The following CNTNAP2 variants were observed in gnomAD, a reference collection of about 807,000 sequenced individuals.
CNTNAP2 encodes contactin-associated protein-like 2.
In CNTNAP2, 98 loss-of-function variants were observed where a neutral mutation model predicts 155.2. The ratio of observed to expected loss-of-function variants is 0.63; its 90% CI spans 0.54 to 0.75. The LOEUF (loss-of-function observed/expected upper bound fraction) is 0.75. Among genes scored for constraint, CNTNAP2 ranks in the 30% least tolerant of loss-of-function variants. The pLI is 0.00. For missense variants in CNTNAP2, 1,727 were observed against 1,688.1 expected, an observed-to-expected ratio of 1.02 and a Z score of -0.40; for synonymous variants, 651 against 631.2, an observed-to-expected ratio of 1.03 and a Z score of -0.47.
At chr7:146,502,613 TTTG>T (rs1181297351) in intron 1 of CNTNAP2, among the ~76,000 whole-genome samples, 1 of 152,078 alleles carries the variant, frequency 6.6e-6, no homozygotes, top group Non-Finnish European at 1.5e-5. Flanking sequence ...CATTGTGATT[TTTG>T]TTGTTGTTGT....
chr7:147,314,310 C>T (rs1795186052), intron 9 of CNTNAP2, among the ~76,000 whole-genome samples: 1 of 152,160 alleles, frequency 6.6e-6, no homozygotes, highest in Admixed American at 6.5e-5. Flanking sequence ...ATTCAGCCTA[C>T]TTCAAAAGTT....
At chr7:147,428,395 A>G (rs1469787433) in intron 10 of CNTNAP2, among the ~76,000 whole-genome samples, 3 of 152,114 alleles carry the variant, frequency 2.0e-5, no homozygotes, top group East Asian at 1.9e-4. Context: ...ACAGTGTAAG[A>G]TGAAGGCCCT....
chr7:146,869,312 A>G (rs1201368073), intron 3 of CNTNAP2, among the ~76,000 whole-genome samples: 1 of 152,098 alleles, frequency 6.6e-6, no homozygotes, highest in Admixed American at 6.6e-5. Flanking sequence ...TGTTTATGTG[A>G]TGAATCACAT....
intron 15 of CNTNAP2, among the ~76,000 whole-genome samples, chr7:147,984,546 A>C (rs774289570): frequency 6.6e-6 from 1 of 152,100 alleles, no homozygotes; most frequent in Non-Finnish European, 1.5e-5. Context: ...AAAAATGGGA[A>C]GAAAAAAAAA....
intron 1 of CNTNAP2, among the ~76,000 whole-genome samples, chr7:146,724,606 C>G (rs961035831): frequency 3.4e-5 from 4 of 117,878 alleles, no homozygotes; most frequent in African/African-American, 1.3e-4. Flanking sequence ...GAGTCTCGCT[C>G]TGTCGCCAGG....
At chr7:147,260,717 G>A (rs1372687369) in intron 8 of CNTNAP2, among the ~76,000 whole-genome samples, 2 of 152,174 alleles carry the variant, frequency 1.3e-5, no homozygotes, top group African/African-American at 4.8e-5. Context: ...AGGTGCGTAT[G>A]CCTTGAGTTG....
rs189297365 is a variant in CNTNAP2, at chr7:147,516,063, A to G, written c.1777+30022A>G. The stretch of plus-strand genomic sequence containing the variant: ...ATTTAAGTCTGACTCTATTGCTGCT[A>G]TTATAGCAGAGATAAGAGACTTACA... On this transcript the variant is annotated intron_variant, in intron 11 of 23. Transcript: ENST00000361727. Among the ~76,000 whole-genome samples the G allele has an allele frequency of 1.4e-4, 21 of 152,368 alleles. No individual in the cohort carries two copies. The East Asian group carries it at 1.9e-3, about 14-fold the overall frequency.
intron 8 of CNTNAP2, among the ~76,000 whole-genome samples, chr7:147,193,366 G>A (rs1802719686): frequency 6.6e-6 from 1 of 152,190 alleles, no homozygotes; most frequent in Non-Finnish European, 1.5e-5. Context: ...CTTCTGGGAA[G>A]TTGTTGTGTA....
At chr7:147,414,537 AG>A (rs1411932648) in intron 10 of CNTNAP2, among the ~76,000 whole-genome samples, 1 of 152,008 alleles carries the variant, frequency 6.6e-6, no homozygotes, top group East Asian at 1.9e-4. Flanking sequence ...ATTCACTATC[AG>A]CAGCTTTTTC....
At chr7:146,747,391 A>G (rs1278199937) in intron 1 of CNTNAP2, among the ~76,000 whole-genome samples, 1 of 152,186 alleles carries the variant, frequency 6.6e-6, no homozygotes, top group East Asian at 1.9e-4. Context: ...ATCTCTGTGT[A>G]CATGTGCTTT....
intron 9 of CNTNAP2, among the ~76,000 whole-genome samples, chr7:147,374,172 T>G (rs73473197): frequency 0.042 from 6,379 of 152,150 alleles, 462 homozygotes; most frequent in African/African-American, 0.15. Context: ...TTTTTTTTCT[T>G]ACTTAAACAT....
At chr7:146,330,539 C>T (rs917413074) in intron 1 of CNTNAP2, among the ~76,000 whole-genome samples, 11 of 152,102 alleles carry the variant, frequency 7.2e-5, no homozygotes, top group Non-Finnish European at 1.5e-4. Flanking sequence ...GATACAAGGA[C>T]AGAGAATAAT....
chr7:147,164,886 T>C (rs1021809839), intron 8 of CNTNAP2, among the ~76,000 whole-genome samples: 5 of 152,202 alleles, frequency 3.3e-5, no homozygotes, highest in African/African-American at 1.2e-4. Context: ...AGAAGAAAAT[T>C]TGATGTTTTA....
intron 12 of CNTNAP2, among the ~76,000 whole-genome samples, chr7:147,602,656 C>A (rs1800975413): frequency 1.3e-5 from 2 of 150,088 alleles, no homozygotes; most frequent in Admixed American, 6.7e-5. Flanking sequence ...CACCCCACAA[C>A]AGGCCCCAGA....
At chr7:146,441,080 G>A (rs1032087066) in intron 1 of CNTNAP2, among the ~76,000 whole-genome samples, 1 of 151,510 alleles carries the variant, frequency 6.6e-6, no homozygotes, top group African/African-American at 2.5e-5. Context: ...CTCATAAGTT[G>A]AAGATTTTGG....
chr7:147,314,627 G>A (rs1184007268), intron 9 of CNTNAP2, among the ~76,000 whole-genome samples: 1 of 48,398 alleles, frequency 2.1e-5, no homozygotes, highest in Non-Finnish European at 3.5e-5. Context: ...GAAGCTACAT[G>A]CTTCAAAAAG....
At position 147,306,929 on chromosome 7, in the gene CNTNAP2, G is replaced by C. The variant is rs759931390; in HGVS notation, c.1498+6639G>C. 2.0e-5 allele frequency among the ~76,000 whole-genome samples: 3 copies of C among 152,126 alleles called. No homozygotes were observed. In the East Asian group the frequency reaches 5.8e-4, roughly 29 times the overall value. Reference sequence around the variant, plus strand: ...AAACAACCACACACACACAAAGAGTGCAATTAAAAGAAGAAAAAAATCTTA... The same window carrying C: ...AAACAACCACACACACACAAAGAGTCCAATTAAAAGAAGAAAAAAATCTTA... On this transcript the variant is annotated intron_variant, in intron 9 of 23. Transcript: ENST00000361727.
At chr7:146,631,259 G>A (rs937354228) in intron 1 of CNTNAP2, among the ~76,000 whole-genome samples, 3 of 152,030 alleles carry the variant, frequency 2.0e-5, no homozygotes, top group Non-Finnish European at 1.5e-5. Context: ...TGAATTTTTC[G>A]ACTGCATTTG....
chr7:147,205,861 A>T (rs1340788896), intron 8 of CNTNAP2, among the ~76,000 whole-genome samples: 1 of 152,090 alleles, frequency 6.6e-6, no homozygotes, highest in Non-Finnish European at 1.5e-5. Flanking sequence ...CAATTAATTT[A>T]TTGCATATTT....
Sources: allele counts gnomAD v4.1 joint callset (sites outside exome capture counted in the v4.1 genomes callset), GRCh38; gene constraint gnomAD v4.1.1; transcripts MANE v1.5; gene names NCBI Gene and HGNC (gene_info 2026-07-23, HGNC 2026-07-21).